The following LRRC1 variants were observed in gnomAD, a reference collection of about 807,000 sequenced individuals.
The protein encoded by LRRC1 is leucine rich repeat containing 1, also known as leucine-rich repeat-containing protein 1.
Under a neutral mutation model 69.9 loss-of-function variants are expected in LRRC1, and 28 were observed. The ratio of observed to expected loss-of-function variants is 0.40; its 90% CI spans 0.30 to 0.55. LRRC1 has a LOEUF of 0.55. Among genes scored for constraint, LRRC1 ranks in the 20% least tolerant of loss-of-function variants. The probability of loss-of-function intolerance (pLI) is 0.47; values close to 1 mark genes in which losing one functional copy is unlikely to be tolerated. For synonymous variants in LRRC1, 236 were observed against 240.2 expected, an observed-to-expected ratio of 0.98 and a Z score of 0.16; for missense variants, 498 against 609.0, an observed-to-expected ratio of 0.82 and a Z score of 1.92.
rs955959849 is a variant in LRRC1, at chr6:53,795,039, C to T, written c.-218C>T. ...GACTGGCGGGTGGGAGTGGAGGCAC[C>T]GGCTGGCGGGCGGGGGTACAGGGAC... On this transcript the variant is annotated 5_prime_UTR_variant, in exon 1 of 14. Coordinates refer to ENST00000370888, the MANE Select transcript of LRRC1 (RefSeq NM_018214.5). 5.2e-6 allele frequency: 2 copies of T among 383,516 alleles called. No homozygotes were observed. The highest frequency in any genetic ancestry group is 9.3e-6 in the Non-Finnish European group (2 of 215,902). 23.8% of individuals were successfully genotyped at this position (383,516 alleles called of 1,614,324 possible). A position where few individuals can be genotyped will look rare whatever the true frequency, so the allele number is the denominator to read the frequency against.
intron 4 of LRRC1, among the ~76,000 whole-genome samples, chr6:53,884,635 A>C (rs575410990): frequency 7.9e-5 from 12 of 152,088 alleles, no homozygotes; most frequent in African/African-American, 2.9e-4. Flanking sequence ...CCTTCCATTC[A>C]TTCTTAGTCT....
At chr6:53,846,947 G>A (rs1765966399) in intron 2 of LRRC1, among the ~76,000 whole-genome samples, 1 of 152,114 alleles carries the variant, frequency 6.6e-6, no homozygotes. Flanking sequence ...CTGCCTCAAG[G>A]GTTAGTAATT....
At chr6:53,888,225 T>A (rs996191805) in intron 4 of LRRC1, among the ~76,000 whole-genome samples, 1 of 152,220 alleles carries the variant, frequency 6.6e-6, no homozygotes, top group Non-Finnish European at 1.5e-5. Flanking sequence ...TGATCTTATA[T>A]AGAAAGAATC....
chr6:53,921,413 C>G (rs770917752), intron 13 of LRRC1, among the ~76,000 whole-genome samples: 1 of 152,186 alleles, frequency 6.6e-6, no homozygotes. Flanking sequence ...CATGTTGACT[C>G]CATTCACTTG....
chr6:53,894,537 G>T (rs934425657), intron 4 of LRRC1, among the ~76,000 whole-genome samples: 3 of 152,064 alleles, frequency 2.0e-5, no homozygotes, highest in Admixed American at 2.0e-4. Context: ...TGTTAAAATA[G>T]GTGTGAAAGT....
chr6:53,828,198 A>G (rs908175249), intron 1 of LRRC1, among the ~76,000 whole-genome samples: 1 of 150,432 alleles, frequency 6.6e-6, no homozygotes, highest in Middle Eastern at 3.2e-3. Flanking sequence ...AACATGGGTA[A>G]TTTGTCTTAT....
In LRRC1 at chr6:53,865,017, T is replaced by C. The variant is rs952756300; in HGVS notation, c.278-13976T>C. Reference sequence around the variant, plus strand: ...GATTGCGTGTGCACTCTTGATACCATGGCAGCCAGCTGGAGCACAGGCGCC... The same window carrying C: ...GATTGCGTGTGCACTCTTGATACCACGGCAGCCAGCTGGAGCACAGGCGCC... On this transcript the variant is annotated intron_variant, in intron 2 of 13. Coordinates refer to ENST00000370888, the MANE Select transcript of LRRC1 (RefSeq NM_018214.5). 1.2e-4 allele frequency among the ~76,000 whole-genome samples: 19 copies of C among 152,132 alleles called. 1 individual carries two copies. The highest frequency in any genetic ancestry group is 4.4e-4 in the African/African-American group (18 of 41,376).
At chr6:53,839,220 A>G (rs978799080) in intron 1 of LRRC1, among the ~76,000 whole-genome samples, 3 of 152,154 alleles carry the variant, frequency 2.0e-5, no homozygotes, top group Admixed American at 6.6e-5. Context: ...ACAGGTGTCC[A>G]GAAGTATTTC....
intron 1 of LRRC1, among the ~76,000 whole-genome samples, chr6:53,808,693 A>AC (rs375321699): frequency 0.83 from 125,565 of 151,872 alleles, 52,135 homozygotes; most frequent in East Asian, 0.96. Flanking sequence ...GTTCCTTATC[A>AC]TGGACCTTCC....
At chr6:53,905,516 G>C (rs573102734) in intron 10 of LRRC1, among the ~76,000 whole-genome samples, 128 of 152,032 alleles carry the variant, frequency 8.4e-4, no homozygotes, top group Non-Finnish European at 1.6e-3. Flanking sequence ...GAAAGGTATG[G>C]TATTTCCTTG....
rs181308055 is a variant in LRRC1 at position 53,911,990 on chromosome 6, T to A, written c.991-1864T>A. 1.4e-3 allele frequency among the ~76,000 whole-genome samples: 213 copies of A among 152,280 alleles called. 3 individuals carry two copies. Among genetic ancestry groups the A allele is most frequent in the South Asian group, 0.012 (57 of 4,828 alleles). Reference sequence around the variant, plus strand: ...GAAAGGCTACTCTGGTGATTCTTACTGGAACAAAAAAGAGTTTTGTTGTCT... The same window carrying A: ...GAAAGGCTACTCTGGTGATTCTTACAGGAACAAAAAAGAGTTTTGTTGTCT... On this transcript the variant is annotated intron_variant, in intron 10 of 13. Coordinates refer to ENST00000370888, the MANE Select transcript of LRRC1 (RefSeq NM_018214.5).
chr6:53,884,987 C>A (rs953086408), intron 4 of LRRC1, among the ~76,000 whole-genome samples: 9 of 152,046 alleles, frequency 5.9e-5, no homozygotes, highest in African/African-American at 2.2e-4. Context: ...CCACTTTGAT[C>A]TTGAAATTGA....
chr6:53,872,416 T>C, intron 2 of LRRC1, among the ~76,000 whole-genome samples: 1 of 152,234 alleles, frequency 6.6e-6, no homozygotes, highest in South Asian at 2.1e-4. Flanking sequence ...CTGGGTTCTC[T>C]ATTCTATTTC....
intron 2 of LRRC1, among the ~76,000 whole-genome samples, chr6:53,878,530 A>G (rs548683799): frequency 2.2e-4 from 33 of 152,164 alleles, no homozygotes; most frequent in Non-Finnish European, 4.3e-4. Flanking sequence ...GCAGTTGACA[A>G]TAGGGCTCAT....
At chr6:53,873,580 C>T (rs568142773) in intron 2 of LRRC1, among the ~76,000 whole-genome samples, 13 of 151,394 alleles carry the variant, frequency 8.6e-5, no homozygotes, top group South Asian at 4.2e-4. Flanking sequence ...ACCACAGGCG[C>T]GAGCCACCAT....
At chr6:53,809,529 G>C (rs1238891390) in intron 1 of LRRC1, among the ~76,000 whole-genome samples, 2 of 152,094 alleles carry the variant, frequency 1.3e-5, no homozygotes, top group Non-Finnish European at 2.9e-5. Context: ...ATCCCTCTTT[G>C]GTAACTTACT....
At chr6:53,916,135 T>TC (rs1434100696) in intron 11 of LRRC1, among the ~76,000 whole-genome samples, 1 of 152,154 alleles carries the variant, frequency 6.6e-6, no homozygotes, top group African/African-American at 2.4e-5. Context: ...TCTTATATCA[T>TC]CAGTTACTCA....
At chr6:53,883,063 A>G (rs917907985) in intron 4 of LRRC1, 87 bp downstream of exon 4, 4 of 767,158 alleles carry the variant, frequency 5.2e-6, no homozygotes, top group South Asian at 3.4e-5. Flanking sequence ...TAAAGCTCCT[A>G]TTTGTCTACT....
At chr6:53,862,223 AC>A (rs1428555454) in intron 2 of LRRC1, among the ~76,000 whole-genome samples, 1 of 151,538 alleles carries the variant, frequency 6.6e-6, no homozygotes, top group Non-Finnish European at 1.5e-5. Context: ...GATGAATACA[AC>A]TTTTTTCCCC....
Sources: allele counts gnomAD v4.1 joint callset (sites outside exome capture counted in the v4.1 genomes callset), GRCh38; gene constraint gnomAD v4.1.1; transcripts MANE v1.5; gene names NCBI Gene and HGNC (gene_info 2026-07-23, HGNC 2026-07-21).